Variants in MAP1LC3A observed in about 807,000 individuals in gnomAD.
The protein encoded by MAP1LC3A is microtubule associated protein 1 light chain 3 alpha, also known as microtubule-associated protein 1 light chain 3 alpha.
In MAP1LC3A, 10 loss-of-function variants were observed where a neutral mutation model predicts 15.2. That is an observed-to-expected ratio of 0.66 (90% CI 0.41 to 1.12). The LOEUF is 1.12. Among genes scored for constraint, MAP1LC3A ranks in the 50% most tolerant of loss-of-function variants. The probability of loss-of-function intolerance (pLI) is 0.00; values close to 1 mark genes in which losing one functional copy is unlikely to be tolerated. For missense variants in MAP1LC3A, 138 were observed against 167.3 expected, an observed-to-expected ratio of 0.82 and a Z score of 0.97; for synonymous variants, 63 against 64.3, an observed-to-expected ratio of 0.98 and a Z score of 0.10.
chr20:34,560,076 G>GTGT lies in MAP1LC3A; in HGVS notation c.*180_*182dup, dbSNP rs566386813. ...CCCCTGGGTGGATCCTGGGCCGGTC[G>GTGT]TGTTAGGGTTGTCCCTCTGGGTGCT... On this transcript the variant is annotated 3_prime_UTR_variant, in exon 4 of 4. Coordinates refer to ENST00000360668, the MANE Select transcript of MAP1LC3A (RefSeq NM_032514.4). The GTGT allele has an allele frequency of 6.5e-4, 339 of 523,810 alleles. 3 individuals are homozygous for GTGT. The highest frequency in any genetic ancestry group is 4.4e-3 in the Middle Eastern group (8 of 1,824). The allele number at this position is 523,810 out of a possible 1,614,324, so 32.4% of individuals were successfully genotyped here.
chr20:34,556,364 T>C (rs1284168589), upstream of MAP1LC3A, among the ~76,000 whole-genome samples: 1 of 152,228 alleles, frequency 6.6e-6, no homozygotes, highest in Non-Finnish European at 1.5e-5. Context: ...CCTTGTGTGA[T>C]TGAAAATAAT....
At chr20:34,553,855 T>C (rs972327705), upstream of MAP1LC3A, among the ~76,000 whole-genome samples, 4 of 152,350 alleles carry the variant, frequency 2.6e-5, no homozygotes, top group East Asian at 3.9e-4. Flanking sequence ...GGTTCTGTTA[T>C]AGGAACACAC....
chr20:34,547,639 C>T (rs967087049), intron 1 of MAP1LC3A, among the ~76,000 whole-genome samples: 4 of 152,044 alleles, frequency 2.6e-5, no homozygotes, highest in African/African-American at 9.7e-5. Context: ...GGTCCTCCTG[C>T]GTTCATTCTC....
In MAP1LC3A at chr20:34,558,740, G is replaced by A. The variant is rs1982262323; in HGVS notation, c.-129G>A. On this transcript the variant is annotated 5_prime_UTR_variant, in exon 1 of 4. Transcript: ENST00000360668. This position sits in a 1 kb window ranked among gnomAD's most constrained non-coding sequence, Gnocchi z 4.3. ...ACCGGGCGAGTTACCTCCCGCAGCCGCAGCCGCCGTGCTCAGCGCGAGCCC... is the reference window on the plus strand; with the variant it reads ...ACCGGGCGAGTTACCTCCCGCAGCCACAGCCGCCGTGCTCAGCGCGAGCCC... 18 of 1,307,478 alleles carry A rather than the reference G, an allele frequency of 1.4e-5. No individual in the cohort carries two copies. Among genetic ancestry groups the A allele is most frequent in the Middle Eastern group, 2.9e-4 (1 of 3,438 alleles). The allele number at this position is 1,307,478 out of a possible 1,614,324, so 81.0% of individuals were successfully genotyped here.
chr20:34,559,241 A>G lies in MAP1LC3A; in HGVS notation c.74A>G (p.Asp25Gly). ...DRCKEVQQIR[D>G]QHPSKIPVII... is the part of the protein sequence containing the mutation. ...TGTAAGGAGGTACAGCAGATCCGCG[A>G]CCAGCACCCCAGCAAAATCCCGGTG... Residue 25 changes from aspartate (D) to glycine (G), a missense_variant, in exon 2 of 4, where the codon GAC becomes GGC. By Grantham distance (94) the Asp-to-Gly change is moderately conservative. Transcript: ENST00000360668. The G allele has an allele frequency of 1.9e-6, 3 of 1,605,618 alleles. No individual in the cohort carries two copies. Among genetic ancestry groups the G allele is most frequent in the Non-Finnish European group, 2.5e-6 (3 of 1,177,112 alleles).
At chr20:34,551,062 A>G (rs893635929) in intron 2 of MAP1LC3A, among the ~76,000 whole-genome samples, 7 of 151,966 alleles carry the variant, frequency 4.6e-5, no homozygotes, top group African/African-American at 1.7e-4. Flanking sequence ...CCTGGGCAAT[A>G]TAGTGAAACC....
At chr20:34,559,088 C>A in intron 1 of MAP1LC3A, 120 bp from the exon 2 acceptor site, 1 of 1,339,470 alleles carries the variant, frequency 7.5e-7, no homozygotes, top group Non-Finnish European at 9.6e-7. Flanking sequence ...GGCTGTGGGG[C>A]CTGATGGCCC....
At chr20:34,558,356 G>A (rs1249914553), upstream of MAP1LC3A, 2 of 987,154 alleles carry the variant, frequency 2.0e-6, no homozygotes, top group African/African-American at 1.7e-5. The surrounding 1 kb of genome is among the most constrained non-coding windows in gnomAD (Gnocchi z 4.3). Context: ...TGAAGGCGCC[G>A]GGCCTTTGGC....
At position 34,559,346 on chromosome 20, in the gene MAP1LC3A, GGTGA is replaced by G; in HGVS notation, c.97_100del (p.Val33SerfsTer27). On this transcript the variant is annotated frameshift_variant and splice_region_variant, in exon 3 of 4. Coordinates refer to ENST00000360668, the MANE Select transcript of MAP1LC3A (RefSeq NM_032514.4). LOFTEE classifies it high-confidence loss of function. Reference sequence around the variant, plus strand: ...CCCCTGCCCGCCCGCCCTGCTCCCAGGTGATCATCGAGCGCTACAAGGGTGAGAA... The same window carrying G: ...CCCCTGCCCGCCCGCCCTGCTCCCAGTCATCGAGCGCTACAAGGGTGAGAA... 1 of 1,151,276 alleles carries G rather than the reference GGTGA, an allele frequency of 8.7e-7. No homozygotes were observed. The highest frequency in any genetic ancestry group is 1.2e-6 in the Non-Finnish European group (1 of 825,680). 71.3% of individuals were successfully genotyped at this position (1,151,276 alleles called of 1,614,324 possible). A position where few individuals can be genotyped will look rare whatever the true frequency, so the allele number is the denominator to read the frequency against.
chr20:34,547,339 AG>A (rs1416945451), intron 1 of MAP1LC3A, among the ~76,000 whole-genome samples: 1 of 151,026 alleles, frequency 6.6e-6, no homozygotes, highest in African/African-American at 2.4e-5. Context: ...TGGGTGAGGA[AG>A]GGAAGTGACT....
At chr20:34,550,034 G>T in intron 2 of MAP1LC3A, 3 of 1,614,078 alleles carry the variant, frequency 1.9e-6, no homozygotes, top group Non-Finnish European at 2.5e-6. Context: ...ACCCAGGTCT[G>T]TCTGGCCCGC....
Position 34,559,951 on chromosome 20 carries a change from G to T in MAP1LC3A, c.*53G>T. ...AGTCGGGCGGCCCCGGTCAGGCCCT[G>T]CCCAGAGAGCTCCTGGTTCCTGAAC... On this transcript the variant is annotated 3_prime_UTR_variant, in exon 4 of 4. Coordinates refer to ENST00000360668, the MANE Select transcript of MAP1LC3A (RefSeq NM_032514.4). 1.3e-6 allele frequency: 2 copies of T among 1,551,912 alleles called. No individual in the cohort carries two copies. The highest frequency in any genetic ancestry group is 1.7e-6 in the Non-Finnish European group (2 of 1,148,978).
intron 1 of MAP1LC3A, chr20:34,549,900 C>T: frequency 1.5e-6 from 2 of 1,311,504 alleles, no homozygotes; most frequent in Non-Finnish European, 2.2e-6. Flanking sequence ...CCCTGTTTCC[C>T]CCAGGACTCC....
At chr20:34,547,717 G>T (rs535099997) in intron 1 of MAP1LC3A, among the ~76,000 whole-genome samples, 1 of 152,244 alleles carries the variant, frequency 6.6e-6, no homozygotes, top group African/African-American at 2.4e-5. Flanking sequence ...TGAGTTTCCT[G>T]AGGCCTCCCC....
chr20:34,549,628 ATCCGTGCTTAT>A (rs907032043), intron 1 of MAP1LC3A, among the ~76,000 whole-genome samples: 34 of 152,210 alleles, frequency 2.2e-4, no homozygotes, highest in African/African-American at 7.5e-4. Flanking sequence ...ACAGATCTGA[ATCCGTGCTTAT>A]TCCCATTTTT....
chr20:34,553,246 A>T (rs1164088213), intron 2 of MAP1LC3A, among the ~76,000 whole-genome samples: 4 of 152,220 alleles, frequency 2.6e-5, no homozygotes, highest in Non-Finnish European at 5.9e-5. Context: ...GAGACAAAAG[A>T]TTCCAACTGG....
chr20:34,552,574 T>A (rs998043384), intron 2 of MAP1LC3A, among the ~76,000 whole-genome samples: 23 of 152,300 alleles, frequency 1.5e-4, no homozygotes, highest in African/African-American at 5.5e-4. Context: ...GGGAGGCAGA[T>A]CCCACGGCCT....
upstream of MAP1LC3A, chr20:34,558,079 C>G (rs1466486184): frequency 1.5e-5 from 15 of 985,508 alleles, no homozygotes; most frequent in East Asian, 1.6e-3. This position sits in a 1 kb window ranked among gnomAD's most constrained non-coding sequence, Gnocchi z 4.3. Flanking sequence ...GCGAGTTCTC[C>G]TGGCGTTGCC....
chr20:34,560,108 T>G lies in MAP1LC3A; in HGVS notation c.*210T>G. The stretch of plus-strand genomic sequence containing the variant: ...GGTTGTCCCTCTGGGTGCTGGCTGG[T>G]GGGATGGGGGAGGGTGGGGAGCAGC... On this transcript the variant is annotated 3_prime_UTR_variant, in exon 4 of 4. Transcript: ENST00000360668. 2.0e-5 allele frequency: 7 copies of G among 358,910 alleles called. No individual in the cohort carries two copies. Among genetic ancestry groups the G allele is most frequent in the Non-Finnish European group, 2.6e-5 (5 of 193,310 alleles). The allele number at this position is 358,910 out of a possible 1,614,324, so 22.2% of individuals were successfully genotyped here.
Sources: gnomAD v4.1 joint callset for allele counts (sites outside exome capture counted in the v4.1 genomes callset) on GRCh38, gnomAD v4.1.1 for gene constraint, Gnocchi (gnomAD v3.1) non-coding constraint, MANE v1.5 for transcripts, NCBI Gene and HGNC (gene_info 2026-07-23, HGNC 2026-07-21) for gene names.